LEPR: variants seen among roughly 807,000 people sequenced by gnomAD.
LEPR encodes the protein OB receptor.
LEPR carries 56 observed loss-of-function variants against 114.7 expected under a neutral mutation model. The observed-to-expected ratio is 0.49, with a 90% confidence interval of 0.39 to 0.61. The LOEUF is 0.61. Ranked by LOEUF, LEPR falls within the 20% of genes least tolerant of loss-of-function variation. LEPR has a pLI of 0.00. For synonymous variants in LEPR, 443 were observed against 461.4 expected, an observed-to-expected ratio of 0.96 and a Z score of 0.51; for missense variants, 1,202 against 1,352.9, an observed-to-expected ratio of 0.89 and a Z score of 1.75.
intron 19 of LEPR, among the ~76,000 whole-genome samples, chr1:65,635,974 A>G (rs951558004): frequency 1.3e-4 from 20 of 152,176 alleles, no homozygotes; most frequent in African/African-American, 4.6e-4. Context: ...GAAGAACTCA[A>G]GTCTAAGTCT....
chr1:65,539,641 C>G (rs1339558958), intron 2 of LEPR, among the ~76,000 whole-genome samples: 1 of 152,172 alleles, frequency 6.6e-6, no homozygotes, highest in Non-Finnish European at 1.5e-5. Context: ...CCATTTGACA[C>G]CTTTGAATAC....
rs1367074829 is a variant in LEPR, at chr1:65,432,493, A to G, written c.-21+7115A>G. ...GAAGCATCATCATAGAGAAGTAAAC[A>G]TCACACCCAACTTCCTTATCTTTCC... On this transcript the variant is annotated intron_variant, in intron 2 of 19. Transcript: ENST00000349533. 6.6e-6 allele frequency: 4 copies of G among 604,384 alleles called. No homozygotes were observed. The East Asian group carries it at 4.2e-4, about 64-fold the overall frequency. 37.4% of individuals were successfully genotyped at this position (604,384 alleles called of 1,614,324 possible).
At chr1:65,599,488 CA>C (rs1321894455) in intron 8 of LEPR, among the ~76,000 whole-genome samples, 4 of 152,228 alleles carry the variant, frequency 2.6e-5, no homozygotes, top group Admixed American at 1.3e-4. Flanking sequence ...AGGTACCATG[CA>C]AATATCAATC....
chr1:65,540,328 A>C (rs1481704226), intron 2 of LEPR, among the ~76,000 whole-genome samples: 2 of 152,106 alleles, frequency 1.3e-5, no homozygotes, highest in African/African-American at 2.4e-5. Context: ...CTCACGTTGA[A>C]ATGTAATCTC....
intron 14 of LEPR, among the ~76,000 whole-genome samples, chr1:65,615,181 G>A (rs1272552033): frequency 6.6e-6 from 1 of 152,106 alleles, no homozygotes; most frequent in African/African-American, 2.4e-5. Flanking sequence ...TTCTAACTTA[G>A]AGGCATCTCA....
intron 5 of LEPR, chr1:65,576,444 T>A: frequency 6.5e-6 from 1 of 153,882 alleles, no homozygotes; most frequent in Non-Finnish European, 1.5e-5. Flanking sequence ...CTTTCCAACT[T>A]GGGCAGCCCT....
rs1003522795 is a variant in LEPR, at chr1:65,613,479, C to T, written c.1996-2529C>T. On this transcript the variant is annotated intron_variant, in intron 14 of 19. Coordinates refer to ENST00000349533, the MANE Select transcript of LEPR (RefSeq NM_002303.6). ...TCTTTAAGATTCAACAGGGGCCGGG[C>T]GCGGTGGCTCACGCCTGTAATCCCA... 5.6e-5 allele frequency among the ~76,000 whole-genome samples: 8 copies of T among 141,744 alleles called. 2 individuals are homozygous for T. The highest frequency in any genetic ancestry group is 1.4e-4 in the Admixed American group (2 of 14,096). 93.0% of individuals were successfully genotyped at this position (141,744 alleles called of 152,430 possible).
chr1:65,584,279 G>C (rs1384633731), intron 5 of LEPR, among the ~76,000 whole-genome samples: 1 of 151,968 alleles, frequency 6.6e-6, no homozygotes, highest in Non-Finnish European at 1.5e-5. Context: ...TTGAAGAATG[G>C]TATTTACAAA....
chr1:65,635,160 A>G (rs1187139198), intron 19 of LEPR: 2 of 952,756 alleles, frequency 2.1e-6, no homozygotes, highest in African/African-American at 3.5e-5. Context: ...TTCAAGTAAT[A>G]AATCTGAATT....
chr1:65,435,804 T>G (rs550341325), intron 2 of LEPR: 932 of 981,894 alleles, frequency 9.5e-4, no homozygotes, highest in Non-Finnish European at 1.1e-3. Context: ...TAGATAAATA[T>G]TAGTTGTGCA....
intron 2 of LEPR, among the ~76,000 whole-genome samples, chr1:65,528,590 T>G (rs1013013590): frequency 6.6e-6 from 1 of 151,980 alleles, no homozygotes; most frequent in Non-Finnish European, 1.5e-5. Context: ...ATAAATAAAA[T>G]CTTTAAAACA....
chr1:65,560,041 T>C (rs1264949115), intron 2 of LEPR, among the ~76,000 whole-genome samples: 3 of 145,098 alleles, frequency 2.1e-5, no homozygotes, highest in African/African-American at 5.1e-5. Context: ...CGGGCTCTTT[T>C]TTGGTTCCAT....
intron 2 of LEPR, among the ~76,000 whole-genome samples, chr1:65,545,609 T>C (rs1182618445): frequency 4.6e-5 from 7 of 152,282 alleles, no homozygotes; most frequent in Non-Finnish European, 1.0e-4. Context: ...TGTCTTCTTT[T>C]GAGAAGTGTC....
intron 2 of LEPR, among the ~76,000 whole-genome samples, chr1:65,485,718 A>G (rs995825933): frequency 6.6e-6 from 1 of 152,166 alleles, no homozygotes; most frequent in Non-Finnish European, 1.5e-5. Flanking sequence ...TAGATCCTAT[A>G]GTGCTTCCAT....
intron 7 of LEPR, among the ~76,000 whole-genome samples, chr1:65,597,278 G>T (rs1656131078): frequency 6.6e-6 from 1 of 152,056 alleles, no homozygotes; most frequent in Non-Finnish European, 1.5e-5. Context: ...CCCCATTGCA[G>T]TGCTCCATAT....
chr1:65,443,190 T>G (rs1439157624), intron 2 of LEPR, among the ~76,000 whole-genome samples: 3 of 152,088 alleles, frequency 2.0e-5, no homozygotes, highest in Non-Finnish European at 2.9e-5. Context: ...AAAATTACAC[T>G]TATAAAACTT....
intron 2 of LEPR, among the ~76,000 whole-genome samples, chr1:65,500,230 C>A (rs755511824): frequency 1.3e-5 from 2 of 152,042 alleles, no homozygotes; most frequent in Non-Finnish European, 2.9e-5. Flanking sequence ...ATAAATAACC[C>A]AGTCTCAGGT....
At chr1:65,453,162 TTC>T (rs1163612130) in intron 2 of LEPR, among the ~76,000 whole-genome samples, 1 of 152,354 alleles carries the variant, frequency 6.6e-6, no homozygotes, top group South Asian at 2.1e-4. Flanking sequence ...TATTAGATTC[TTC>T]TCTCTTTTTT....
chr1:65,570,304 T>C (rs1435542196), intron 3 of LEPR, among the ~76,000 whole-genome samples, 169 bp from the exon 4 acceptor site: 1 of 152,216 alleles, frequency 6.6e-6, no homozygotes. Context: ...TCCTCTTGAA[T>C]GTAACACATT....
Sources: allele counts gnomAD v4.1 joint callset (sites outside exome capture counted in the v4.1 genomes callset), GRCh38; gene constraint gnomAD v4.1.1; transcripts MANE v1.5; gene names NCBI Gene and HGNC (gene_info 2026-07-23, HGNC 2026-07-21).